Variants in ITIH3 observed in about 807,000 individuals in gnomAD.
ITIH3 encodes the protein inter-alpha-trypsin inhibitor heavy chain 3.
Under a neutral mutation model 96.5 loss-of-function variants are expected in ITIH3, and 81 were observed. The ratio of observed to expected loss-of-function variants is 0.84; its 90% CI spans 0.70 to 1.01. The LOEUF (loss-of-function observed/expected upper bound fraction) is 1.01, where lower values mean the gene tolerates loss of function less well. Among genes scored for constraint, ITIH3 ranks in the 50% least tolerant of loss-of-function variants. The pLI is 0.00. For missense variants in ITIH3, 1,057 were observed against 1,139.3 expected (o/e 0.93, Z 1.04); for synonymous variants, 422 against 445.2 (o/e 0.95, Z 0.66).
intron 2 of ITIH3, 66 bp from the exon 3 acceptor site, chr3:52,796,415 G>T (rs917171835): frequency 2.1e-5 from 30 of 1,450,720 alleles, no homozygotes; most frequent in Non-Finnish European, 2.7e-5. Context: ...CAAGGGAGGT[G>T]GCTGGGTTGC....
At chr3:52,804,625 G>GC in intron 14 of ITIH3, 101 bp from the exon 15 acceptor site, 1 of 1,328,530 alleles carries the variant, frequency 7.5e-7, no homozygotes, top group Non-Finnish European at 1.1e-6. Context: ...GAGGCCCACA[G>GC]CCTAGGGCTG....
intron 10 of ITIH3, 67 bp downstream of exon 10, chr3:52,800,730 C>T (rs1433954024): frequency 3.8e-6 from 6 of 1,564,920 alleles, no homozygotes; most frequent in African/African-American, 1.4e-5. Flanking sequence ...GGCTCTGTAG[C>T]TGGCTCATTG....
At chr3:52,799,288 A>G (rs954242036) in intron 7 of ITIH3, 84 bp from the exon 8 acceptor site, 12 of 1,231,280 alleles carry the variant, frequency 9.7e-6, no homozygotes. Context: ...TTGGGCTGGT[A>G]AATGTCTGGC....
intron 19 of ITIH3, 68 bp from the exon 20 acceptor site, chr3:52,807,679 C>T (rs1461983843): frequency 6.6e-7 from 1 of 1,513,106 alleles, no homozygotes; most frequent in Non-Finnish European, 9.0e-7. Context: ...CACCAAAACG[C>T]CCTTGAGTCA....
chr3:52,795,737 C>T, intron 2 of ITIH3, 114 bp downstream of exon 2: 1 of 1,030,898 alleles, frequency 9.7e-7, no homozygotes, highest in Non-Finnish European at 1.4e-6. Context: ...TGGCAAACAG[C>T]TTACGGCCCT....
intron 21 of ITIH3, 24 bp from the exon 22 acceptor site, chr3:52,808,528 G>A: frequency 6.2e-7 from 1 of 1,610,460 alleles, no homozygotes; most frequent in Non-Finnish European, 8.5e-7. Context: ...CCCGTGTATT[G>A]CAGCATCTCT....
At chr3:52,797,969 C>G (rs1218000845) in intron 6 of ITIH3, 39 bp downstream of exon 6, 1 of 1,239,006 alleles carries the variant, frequency 8.1e-7, no homozygotes, top group Non-Finnish European at 1.2e-6. Flanking sequence ...GGGCAGGGGA[C>G]AGGAATACTG....
chr3:52,799,143 G>A (rs1303405964), intron 7 of ITIH3, 52 bp downstream of exon 7: 16 of 1,596,610 alleles, frequency 1.0e-5, no homozygotes, highest in South Asian at 2.3e-5. Context: ...CTGGTCGGGC[G>A]GGGGCTGCAG....
At chr3:52,807,651 C>T (rs1700103710) in intron 19 of ITIH3, 96 bp from the exon 20 acceptor site, 2 of 1,169,608 alleles carry the variant, frequency 1.7e-6, no homozygotes, top group African/African-American at 1.5e-5. Context: ...CCTCGGGTGC[C>T]ATGTACAGGG....
chr3:52,806,280 A>C lies in ITIH3; in HGVS notation c.1943-13A>C. The C allele has an allele frequency of 6.2e-7, 1 of 1,611,362 alleles. No homozygotes were observed. Among genetic ancestry groups the C allele is most frequent in the South Asian group, 1.1e-5 (1 of 90,870 alleles). Reference sequence around the variant, plus strand: ...GGCCCCGGGAGTCAGCTCCTTCTCTAATGTGTCACCAGTGGACGGGGATCC... The same window carrying C: ...GGCCCCGGGAGTCAGCTCCTTCTCTCATGTGTCACCAGTGGACGGGGATCC... On this transcript the variant is annotated splice_polypyrimidine_tract_variant and intron_variant, in intron 17 of 21. Transcript: ENST00000449956.
rs990493920 is a variant in ITIH3 at position 52,799,495 on chromosome 3, A to G, written c.906+7A>G. 3.1e-6 allele frequency: 5 copies of G among 1,590,444 alleles called. No homozygotes were observed. Among genetic ancestry groups the G allele is most frequent in the African/African-American group, 1.4e-5 (1 of 73,882 alleles). The stretch of plus-strand genomic sequence containing the variant: ...TGGTCGGAAATTAGAGCAGGTAATC[A>G]GCACCAGTGGCACAGCCAGGGCTCG... On this transcript the variant is annotated splice_region_variant and intron_variant, in intron 8 of 21. Transcript: ENST00000449956.
Position 52,804,336 on chromosome 3 carries a change from GA to G in ITIH3, c.1864+330del, listed in dbSNP as rs1699960191. ...AGACAAGAAGAAGCACTTCCAACAT[GA>G]AAGGCCTGGAGCAGGCTATCAGGCA... On this transcript the variant is annotated intron_variant, in intron 14 of 21. Coordinates refer to ENST00000449956, the MANE Select transcript of ITIH3 (RefSeq NM_002217.4). The G allele has an allele frequency of 1.1e-5, 5 of 438,158 alleles. No individual in the cohort carries two copies. The East Asian group carries it at 2.1e-4, about 18-fold the overall frequency. The allele number at this position is 438,158 out of a possible 1,614,324, so 27.1% of individuals were successfully genotyped here. A position where few individuals can be genotyped will look rare whatever the true frequency, so the allele number is the denominator to read the frequency against.
intron 20 of ITIH3, 45 bp downstream of exon 20, chr3:52,807,961 A>C: frequency 6.3e-7 from 1 of 1,598,948 alleles, no homozygotes; most frequent in South Asian, 1.1e-5. Context: ...TGAGAGCAGC[A>C]TGGGAAAGAC....
chr3:52,802,964 A>G (rs1463223888), intron 13 of ITIH3, among the ~76,000 whole-genome samples, 158 bp downstream of exon 13: 1 of 152,190 alleles, frequency 6.6e-6, no homozygotes, highest in Admixed American at 6.5e-5. Context: ...GCCACTCCCC[A>G]TCCTGTCAGC....
In ITIH3 at chr3:52,797,924, G is replaced by A. The variant is rs745623976; in HGVS notation, c.657G>A (p.Gly219=). 9 of 1,586,806 alleles carry A rather than the reference G, an allele frequency of 5.7e-6. No individual in the cohort carries two copies. The highest frequency in any genetic ancestry group is 3.5e-5 in the Admixed American group (2 of 57,336). ...LGSALTKSFS[G]KKGHVSFKPS... ...GCGCCCTCACCAAGTCCTTCTCAGGGAAAAAGGTGATGTAGATGCCTCTCA... is the reference window on the plus strand; with the variant it reads ...GCGCCCTCACCAAGTCCTTCTCAGGAAAAAAGGTGATGTAGATGCCTCTCA... The change falls in exon 6 of 22, where the codon GGG becomes GGA. Residue 219 remains glycine, a synonymous_variant. Coordinates refer to ENST00000449956, the MANE Select transcript of ITIH3 (RefSeq NM_002217.4).
Position 52,801,106 on chromosome 3 carries a change from G to T in ITIH3, c.1343G>T (p.Arg448Leu), listed in dbSNP as rs199816198. 1.1e-5 allele frequency: 17 copies of T among 1,600,172 alleles called. No individual in the cohort carries two copies. Among genetic ancestry groups the T allele is most frequent in the Non-Finnish European group, 3.4e-6 (4 of 1,173,282 alleles). ...GCCCTGGAGAACCATGGGTTTGCCC[G>T]GCGCATTTATGAGGACTCTGATGCC... Reference protein sequence around the residue: ...NMALENHGFARRIYEDSDADL... With the variant: ...NMALENHGFALRIYEDSDADL... The change falls in exon 11 of 22, where the codon CGG (arginine) becomes CTG (leucine). Residue 448 changes from arginine to leucine, a missense_variant. Physicochemically the swap from Arg to Leu is moderately radical, Grantham distance 102. Coordinates refer to ENST00000449956, the MANE Select transcript of ITIH3 (RefSeq NM_002217.4).
At chr3:52,796,908 C>A (rs1578751717) in intron 4 of ITIH3, 65 bp downstream of exon 4, 1 of 1,223,510 alleles carries the variant, frequency 8.2e-7, no homozygotes, top group East Asian at 2.5e-5. Context: ...GGGCTACAAA[C>A]AACAACAACA....
Position 52,799,787 on chromosome 3 carries a change from T to A in ITIH3, c.941T>A (p.Met314Lys). ...KEALLRILED[M>K]QEEDYLNFIL... ...GCCCTTCTCAGAATCCTGGAAGATA[T>A]GCAAGAGGAAGACTATCTGAATTTC... The change falls in exon 9 of 22, where the codon ATG becomes AAG. Residue 314 changes from methionine (M) to lysine (K), a missense_variant. By Grantham distance (95) the Met-to-Lys change is moderately conservative (BLOSUM62 -1). Transcript: ENST00000449956. 1 of 1,613,512 alleles carries A rather than the reference T, an allele frequency of 6.2e-7. No homozygotes were observed. Among genetic ancestry groups the A allele is most frequent in the Non-Finnish European group, 8.5e-7 (1 of 1,179,664 alleles).
In ITIH3 at chr3:52,808,577, G is replaced by T; in HGVS notation, c.2569G>T (p.Asp857Tyr). Residue 857 changes from aspartate (D) to tyrosine (Y), a missense_variant, in exon 22 of 22, where the codon GAT (aspartate) becomes TAT (tyrosine). Coordinates refer to ENST00000449956, the MANE Select transcript of ITIH3 (RefSeq NM_002217.4). ...GGGCTCCCAGAAAGACTACAGAAAGGATGCCAGCATCGGCACGAAGGTTGT... is the reference window on the plus strand; with the variant it reads ...GGGCTCCCAGAAAGACTACAGAAAGTATGCCAGCATCGGCACGAAGGTTGT... ...TRGSQKDYRKDASIGTKVVCW... is the reference protein window; with the variant it reads ...TRGSQKDYRKYASIGTKVVCW... The T allele has an allele frequency of 6.2e-7, 1 of 1,613,960 alleles. No homozygotes were observed. Among genetic ancestry groups the T allele is most frequent in the South Asian group, 1.1e-5 (1 of 91,084 alleles).
Sources: allele counts gnomAD v4.1 joint callset (sites outside exome capture counted in the v4.1 genomes callset), GRCh38; gene constraint gnomAD v4.1.1; transcripts MANE v1.5; gene names NCBI Gene and HGNC (gene_info 2026-07-23, HGNC 2026-07-21).